MOB3B: variants seen among roughly 807,000 people sequenced by gnomAD.
MOB3B encodes MOB kinase activator 3B, also known as MOB kinase activator-like 2B.
Under a neutral mutation model 18.7 loss-of-function variants are expected in MOB3B, and 7 were observed. The ratio of observed to expected loss-of-function variants is 0.37; its 90% CI spans 0.21 to 0.70. The LOEUF (loss-of-function observed/expected upper bound fraction) is 0.70. Ranked by LOEUF, MOB3B falls within the 30% of genes least tolerant of loss-of-function variation. The pLI is 0.52. For missense variants in MOB3B, 253 were observed against 281.3 expected (o/e 0.90, Z 0.72); for synonymous variants, 111 against 99.9 (o/e 1.11, Z -0.66).
chr9:27,521,636 T>A (rs1177380311), intron 1 of MOB3B, among the ~76,000 whole-genome samples: 1 of 152,192 alleles, frequency 6.6e-6, no homozygotes, highest in African/African-American at 2.4e-5. Context: ...AGAGAAGTTA[T>A]ATGAGGTATG....
intron 2 of MOB3B, among the ~76,000 whole-genome samples, chr9:27,430,924 T>C (rs1261371004): frequency 7.1e-6 from 1 of 140,180 alleles, no homozygotes; most frequent in East Asian, 2.0e-4. Context: ...TCCTGCCTGC[T>C]TGGGAAAAAA....
At chr9:27,477,962 G>GACT (rs1327212912) in intron 1 of MOB3B, among the ~76,000 whole-genome samples, 1 of 152,100 alleles carries the variant, frequency 6.6e-6, no homozygotes, top group Non-Finnish European at 1.5e-5. Flanking sequence ...ATAAAAACAG[G>GACT]ACTAGAAGAA....
At chr9:27,493,651 A>T (rs1413159665) in intron 1 of MOB3B, among the ~76,000 whole-genome samples, 1 of 152,052 alleles carries the variant, frequency 6.6e-6, no homozygotes, top group Non-Finnish European at 1.5e-5. Context: ...AAAAAAAAAA[A>T]ATTTCATGGA....
intron 2 of MOB3B, among the ~76,000 whole-genome samples, chr9:27,452,151 T>A (rs1005961657): frequency 6.6e-6 from 1 of 152,224 alleles, no homozygotes; most frequent in Non-Finnish European, 1.5e-5. Context: ...GAATCATCCA[T>A]GTGCTGGGCC....
At chr9:27,351,860 C>G (rs113945088) in intron 3 of MOB3B, among the ~76,000 whole-genome samples, 301 of 152,244 alleles carry the variant, frequency 2.0e-3, no homozygotes, top group African/African-American at 6.9e-3. Flanking sequence ...GTGGCTGGGC[C>G]TTTATGAGAC....
Position 27,327,801 on chromosome 9 carries a change from C to G in MOB3B, c.*2786G>C, listed in dbSNP as rs550995258. On this transcript the variant is annotated 3_prime_UTR_variant, in exon 4 of 4. Coordinates refer to ENST00000262244, the MANE Select transcript of MOB3B (RefSeq NM_024761.5). ...CAGTATCAGTGTTCAGTTTCATGGG[C>G]GTGAAAATATTGCAGATTTATAGGA... 6.6e-6 allele frequency: 1 copy of G among 151,824 alleles called. No homozygotes were observed. The highest frequency in any genetic ancestry group is 1.5e-5 in the Non-Finnish European group (1 of 67,964). 9.4% of individuals were successfully genotyped at this position (151,824 alleles called of 1,614,324 possible). A position where few individuals can be genotyped will look rare whatever the true frequency, so the allele number is the denominator to read the frequency against.
At chr9:27,368,415 G>A (rs10967912) in intron 2 of MOB3B, among the ~76,000 whole-genome samples, 19 of 151,548 alleles carry the variant, frequency 1.3e-4, no homozygotes, top group African/African-American at 4.4e-4. Flanking sequence ...GAGAAGCTTC[G>A]TGTTCTTGCT....
At chr9:27,453,942 A>G (rs963953842) in intron 2 of MOB3B, among the ~76,000 whole-genome samples, 4 of 152,220 alleles carry the variant, frequency 2.6e-5, no homozygotes, top group South Asian at 2.1e-4. Context: ...TCTTCCTCCT[A>G]TGCTGTGAAC....
chr9:27,364,470 G>C (rs755928036), intron 2 of MOB3B, among the ~76,000 whole-genome samples: 1 of 152,174 alleles, frequency 6.6e-6, no homozygotes, highest in Non-Finnish European at 1.5e-5. Flanking sequence ...GCATAGTAAA[G>C]GATCTGAGAA....
At chr9:27,432,812 A>C (rs1822435739) in intron 2 of MOB3B, among the ~76,000 whole-genome samples, 1 of 152,180 alleles carries the variant, frequency 6.6e-6, no homozygotes, top group South Asian at 2.1e-4. Context: ...GCTTAATTTC[A>C]TACCCTCTTG....
chr9:27,464,486 A>C (rs1025948907), intron 1 of MOB3B, among the ~76,000 whole-genome samples: 3 of 152,208 alleles, frequency 2.0e-5, no homozygotes, highest in Non-Finnish European at 2.9e-5. Flanking sequence ...AATTATATCC[A>C]CCATGCCCTC....
intron 2 of MOB3B, among the ~76,000 whole-genome samples, chr9:27,445,238 A>T (rs1774516300): frequency 6.6e-6 from 1 of 152,216 alleles, no homozygotes; most frequent in African/African-American, 2.4e-5. Context: ...CTTTATGTGC[A>T]TTACGTCACT....
chr9:27,331,628 C>T (rs1231059333), intron 3 of MOB3B, among the ~76,000 whole-genome samples: 1 of 152,210 alleles, frequency 6.6e-6, no homozygotes, highest in Non-Finnish European at 1.5e-5. Flanking sequence ...AGTGGCTCCT[C>T]TTTCATCTCC....
intron 2 of MOB3B, among the ~76,000 whole-genome samples, chr9:27,450,011 T>C (rs1822759448): frequency 2.0e-5 from 3 of 147,826 alleles, no homozygotes; most frequent in Non-Finnish European, 3.0e-5. Context: ...AAACTTAAAA[T>C]GTAAAGGCCA....
intron 1 of MOB3B, among the ~76,000 whole-genome samples, chr9:27,501,084 TAA>T (rs1202653570): frequency 6.6e-6 from 1 of 152,026 alleles, no homozygotes; most frequent in Non-Finnish European, 1.5e-5. Flanking sequence ...TGACGAACAT[TAA>T]AAAGTCAGGA....
intron 2 of MOB3B, among the ~76,000 whole-genome samples, chr9:27,417,683 C>A (rs1301545848): frequency 2.0e-5 from 3 of 152,152 alleles, no homozygotes; most frequent in East Asian, 1.9e-4. Flanking sequence ...GTGAAAAAAA[C>A]CACCGTTTAT....
intron 1 of MOB3B, among the ~76,000 whole-genome samples, chr9:27,518,486 G>A (rs1225359189): frequency 6.6e-6 from 1 of 152,220 alleles, no homozygotes; most frequent in East Asian, 1.9e-4. Context: ...GGATATGGAT[G>A]GAGGCTGTTC....
intron 1 of MOB3B, among the ~76,000 whole-genome samples, chr9:27,468,838 G>T (rs1473207495): frequency 6.6e-6 from 1 of 152,202 alleles, no homozygotes; most frequent in Non-Finnish European, 1.5e-5. Context: ...AATCTTTTCA[G>T]AAAACAGAAC....
intron 2 of MOB3B, among the ~76,000 whole-genome samples, chr9:27,379,212 G>T (rs752082678): frequency 1.8e-4 from 27 of 152,162 alleles, no homozygotes; most frequent in Non-Finnish European, 3.7e-4. Flanking sequence ...CAGCAGAGTG[G>T]ATTCCCAGAC....
Sources: allele counts gnomAD v4.1 joint callset (sites outside exome capture counted in the v4.1 genomes callset), GRCh38; gene constraint gnomAD v4.1.1; transcripts MANE v1.5; gene names NCBI Gene and HGNC (gene_info 2026-07-23, HGNC 2026-07-21).